The following RNLS variants were observed in gnomAD, a reference collection of about 807,000 sequenced individuals.
RNLS encodes renalase.
A neutral mutation model predicts 39.8 loss-of-function variants in RNLS; 39 were observed. That is an observed-to-expected ratio of 0.98 (90% CI 0.76 to 1.28). RNLS has a LOEUF of 1.28. Ranked by LOEUF, RNLS falls within the 50% of genes most tolerant of loss-of-function variation. The pLI, the probability that RNLS is intolerant of heterozygous loss-of-function variation, is 0.00. For missense variants in RNLS, 410 were observed against 413.3 expected (o/e 0.99, Z 0.07); for synonymous variants, 147 against 150.7 (o/e 0.98, Z 0.18).
chr10:88,519,493 T>TTAACA (rs1227253145), intron 4 of RNLS, among the ~76,000 whole-genome samples: 1 of 150,860 alleles, frequency 6.6e-6, no homozygotes, highest in African/African-American at 2.4e-5. Flanking sequence ...CAAGATGTCT[T>TTAACA]TAACAACCAG....
At chr10:88,304,389 A>G (rs181189205) in intron 6 of RNLS, among the ~76,000 whole-genome samples, 13 of 152,238 alleles carry the variant, frequency 8.5e-5, no homozygotes, top group Middle Eastern at 3.2e-3. Context: ...ATGGATAGGA[A>G]TGAAGAACAC....
intron 5 of RNLS, among the ~76,000 whole-genome samples, chr10:88,354,216 T>G (rs1025967903): frequency 2.0e-5 from 3 of 152,236 alleles, no homozygotes; most frequent in Non-Finnish European, 4.4e-5. Context: ...CCTGTTTACA[T>G]GTAAAGTTAA....
At chr10:88,572,135 G>A (rs143626546) in intron 4 of RNLS, among the ~76,000 whole-genome samples, 2 of 152,056 alleles carry the variant, frequency 1.3e-5, no homozygotes, top group Non-Finnish European at 2.9e-5. Context: ...AGAGTAAATA[G>A]CTGCTGTCAA....
chr10:88,503,135 C>G (rs1845596719), intron 4 of RNLS, among the ~76,000 whole-genome samples: 1 of 152,150 alleles, frequency 6.6e-6, no homozygotes, highest in Admixed American at 6.5e-5. Flanking sequence ...AATCCCAGCA[C>G]TCTGGGAGGC....
At chr10:88,367,573 C>T (rs906659545) in intron 4 of RNLS, among the ~76,000 whole-genome samples, 1 of 152,130 alleles carries the variant, frequency 6.6e-6, no homozygotes, top group African/African-American at 2.4e-5. Flanking sequence ...AATCATGGAG[C>T]GCACTTAATT....
chr10:88,507,568 G>A (rs1189772908), intron 4 of RNLS, among the ~76,000 whole-genome samples: 1 of 152,014 alleles, frequency 6.6e-6, no homozygotes, highest in African/African-American at 2.4e-5. Flanking sequence ...TTTATGAGAA[G>A]GCGTTTTTTA....
At position 88,553,502 on chromosome 10, in the gene RNLS, A is replaced by G. The variant is rs566012075; in HGVS notation, c.526+19401T>C. ...CCAAATGGTCTTGAAAAAGAGAAGT[A>G]TAACAATCTTAAGAATCTAATGGTA... On this transcript the variant is annotated intron_variant, in intron 4 of 6. Transcript: ENST00000331772. Among the ~76,000 whole-genome samples, 199 of 152,306 alleles carry G rather than the reference A, an allele frequency of 1.3e-3. 1 individual carries two copies. Among genetic ancestry groups the G allele is most frequent in the Admixed American group, 2.2e-3 (33 of 15,294 alleles).
chr10:88,417,244 T>C lies in RNLS; in HGVS notation c.527-54519A>G, dbSNP rs1445207982. 3.3e-5 allele frequency among the ~76,000 whole-genome samples: 5 copies of C among 152,226 alleles called. No homozygotes were observed. The East Asian group carries it at 9.6e-4, about 29-fold the overall frequency. Reference sequence around the variant, plus strand: ...GAACAGCAGGGTCTAAACACTATTGTATTGTTTAGTAGCCTCAAACTTGGA... The same window carrying C: ...GAACAGCAGGGTCTAAACACTATTGCATTGTTTAGTAGCCTCAAACTTGGA... On this transcript the variant is annotated intron_variant, in intron 4 of 6. Coordinates refer to ENST00000331772, the MANE Select transcript of RNLS (RefSeq NM_001031709.3).
chr10:88,228,734 T>C, the RNLS span, among the ~76,000 whole-genome samples: 1 of 152,310 alleles, frequency 6.6e-6, no homozygotes, highest in Admixed American at 6.5e-5. Flanking sequence ...CACATTATCT[T>C]TGCTACTTCT....
the RNLS span, among the ~76,000 whole-genome samples, chr10:88,241,248 CAA>C: frequency 1.5e-5 from 2 of 133,468 alleles, no homozygotes; most frequent in Non-Finnish European, 3.3e-5. Flanking sequence ...TTTAATTTTT[CAA>C]AAAAAAAAAA....
intron 4 of RNLS, among the ~76,000 whole-genome samples, chr10:88,505,616 T>C (rs1159002010): frequency 6.6e-6 from 1 of 152,106 alleles, no homozygotes; most frequent in African/African-American, 2.4e-5. Context: ...CAGGCAAGGA[T>C]CATCACTGGA....
At chr10:88,403,960 CT>C (rs1297961054) in intron 4 of RNLS, among the ~76,000 whole-genome samples, 1 of 151,958 alleles carries the variant, frequency 6.6e-6, no homozygotes, top group Non-Finnish European at 1.5e-5. Context: ...AGTAAAATCA[CT>C]TACGCCAAGG....
At chr10:88,369,947 A>G (rs902637287) in intron 4 of RNLS, among the ~76,000 whole-genome samples, 1 of 152,140 alleles carries the variant, frequency 6.6e-6, no homozygotes, top group Non-Finnish European at 1.5e-5. Context: ...TGGCCTCCCA[A>G]AGTGTTGGGA....
intron 4 of RNLS, among the ~76,000 whole-genome samples, chr10:88,549,273 A>T (rs1036855640): frequency 4.2e-5 from 2 of 47,062 alleles, no homozygotes; most frequent in African/African-American, 3.0e-4. Flanking sequence ...CTAAAAAAAA[A>T]ATATTTTATG....
intron 4 of RNLS, among the ~76,000 whole-genome samples, chr10:88,402,232 CT>C (rs1852968279): frequency 6.6e-6 from 1 of 151,988 alleles, no homozygotes; most frequent in Admixed American, 6.6e-5. Flanking sequence ...CAGAATAAAA[CT>C]GTCCATACAA....
At chr10:88,503,631 T>C (rs1845624221) in intron 4 of RNLS, among the ~76,000 whole-genome samples, 1 of 152,188 alleles carries the variant, frequency 6.6e-6, no homozygotes, top group Non-Finnish European at 1.5e-5. Context: ...ATAATATTTG[T>C]AACAGCATCT....
intron 4 of RNLS, among the ~76,000 whole-genome samples, chr10:88,542,914 C>T (rs958946727): frequency 1.3e-5 from 2 of 150,530 alleles, no homozygotes; most frequent in African/African-American, 4.9e-5. Flanking sequence ...AGTGTATTTT[C>T]CTTGAATGAT....
At chr10:88,376,262 A>T (rs1589684253) in intron 4 of RNLS, among the ~76,000 whole-genome samples, 1 of 152,134 alleles carries the variant, frequency 6.6e-6, no homozygotes, top group Non-Finnish European at 1.5e-5. Flanking sequence ...AGCAATAAAC[A>T]TACCAATGTG....
intron 4 of RNLS, among the ~76,000 whole-genome samples, chr10:88,539,953 G>A (rs973495471): frequency 2.0e-5 from 3 of 151,534 alleles, no homozygotes; most frequent in Non-Finnish European, 2.9e-5. Flanking sequence ...ACTACAGCCC[G>A]TAAACTAACA....
Sources: allele counts gnomAD v4.1 joint callset (sites outside exome capture counted in the v4.1 genomes callset), GRCh38; gene constraint gnomAD v4.1.1; transcripts MANE v1.5; gene names NCBI Gene and HGNC (gene_info 2026-07-23, HGNC 2026-07-21).